BAZ1A: variants seen among roughly 807,000 people sequenced by gnomAD.
The protein encoded by BAZ1A is bromodomain adjacent to zinc finger domain protein 1A.
A neutral mutation model predicts 185.2 loss-of-function variants in BAZ1A; 50 were observed. That is an observed-to-expected ratio of 0.27 (90% CI 0.22 to 0.34). BAZ1A has a LOEUF of 0.34. Among genes scored for constraint, BAZ1A ranks in the 10% least tolerant of loss-of-function variants. The pLI is 1.00. For synonymous variants in BAZ1A, 571 were observed against 615.6 expected (o/e 0.93, Z 1.07); for missense variants, 1,356 against 1,839.9 (o/e 0.74, Z 4.81).
rs1211658149 is a variant in BAZ1A, at chr14:34,874,185, T to C, written c.113+307A>G. 6.6e-6 allele frequency among the ~76,000 whole-genome samples: 1 copy of C among 151,766 alleles called. No individual in the cohort carries two copies. Among genetic ancestry groups the C allele is most frequent in the Non-Finnish European group, 1.5e-5 (1 of 67,878 alleles). On this transcript the variant is annotated intron_variant, in intron 2 of 26. Coordinates refer to ENST00000360310, the MANE Select transcript of BAZ1A (RefSeq NM_013448.3). The surrounding 1 kb of genome is among the most constrained non-coding windows in gnomAD (Gnocchi z 4.7). ...GCGGGGAGGGGCGAGGCGGGGAGTT[T>C]CCGCCGCCCCGCGGCCAAGAGGGCG... is the stretch of plus-strand genomic sequence containing the variant.
intron 4 of BAZ1A, among the ~76,000 whole-genome samples, chr14:34,823,226 G>A (rs554904136): frequency 8.6e-5 from 13 of 151,246 alleles, no homozygotes; most frequent in South Asian, 8.4e-4. Context: ...GTGGTGGCAC[G>A]CGCCTGTAGT....
chr14:34,874,444 G>A lies in BAZ1A; in HGVS notation c.113+48C>T, dbSNP rs1299355203. 5 of 1,504,222 alleles carry A rather than the reference G, an allele frequency of 3.3e-6. No homozygotes were observed. Among genetic ancestry groups the A allele is most frequent in the East Asian group, 2.3e-5 (1 of 43,388 alleles). The allele number at this position is 1,504,222 out of a possible 1,614,324, so 93.2% of individuals were successfully genotyped here. A position where few individuals can be genotyped will look rare whatever the true frequency, so the allele number is the denominator to read the frequency against. On this transcript the variant is annotated intron_variant, in intron 2 of 26. Coordinates refer to ENST00000360310, the MANE Select transcript of BAZ1A (RefSeq NM_013448.3). The surrounding 1 kb of genome is among the most constrained non-coding windows in gnomAD (Gnocchi z 4.7). ...GGAGAGAGACAAAAGAGCGCTGCGG[G>A]GGGAGTCCCCACACCCCCCGCGGCC... is the stretch of plus-strand genomic sequence containing the variant.
intron 4 of BAZ1A, 36 bp from the exon 5 acceptor site, chr14:34,811,072 T>G (rs1345575275): frequency 2.9e-6 from 4 of 1,373,334 alleles, no homozygotes; most frequent in Non-Finnish European, 4.0e-6. Flanking sequence ...AATCAGTTAA[T>G]AATTTGGAAA....
rs1015180007 is a variant in BAZ1A, at chr14:34,875,274, G to C, written c.-195C>G. On this transcript the variant is annotated 5_prime_UTR_variant, in exon 1 of 27. Coordinates refer to ENST00000360310, the MANE Select transcript of BAZ1A (RefSeq NM_013448.3). Reference sequence around the variant, plus strand: ...GCCGCTTCTCCCGCTGCCACTGCCCGACTCCGCGCGGGGAATTGCGTCCCA... The same window carrying C: ...GCCGCTTCTCCCGCTGCCACTGCCCCACTCCGCGCGGGGAATTGCGTCCCA... 11 of 455,270 alleles carry C rather than the reference G, an allele frequency of 2.4e-5. No individual in the cohort carries two copies. The highest frequency in any genetic ancestry group is 4.4e-5 in the Non-Finnish European group (10 of 226,612). The allele number at this position is 455,270 out of a possible 1,614,324, so 28.2% of individuals were successfully genotyped here. A position where few individuals can be genotyped will look rare whatever the true frequency, so the allele number is the denominator to read the frequency against.
chr14:34,863,029 C>A (rs1436522491), intron 2 of BAZ1A, among the ~76,000 whole-genome samples: 1 of 148,872 alleles, frequency 6.7e-6, no homozygotes, highest in African/African-American at 2.5e-5. Context: ...CACTCTGTCA[C>A]CCAGGCTGGA....
intron 2 of BAZ1A, among the ~76,000 whole-genome samples, chr14:34,868,602 A>G (rs2042899057): frequency 6.6e-6 from 1 of 152,146 alleles, no homozygotes; most frequent in Admixed American, 6.6e-5. Context: ...GGAGGTCAAG[A>G]CCAGCATAGC....
At chr14:34,819,928 C>T (rs1214682644) in intron 4 of BAZ1A, among the ~76,000 whole-genome samples, 1 of 152,130 alleles carries the variant, frequency 6.6e-6, no homozygotes, top group East Asian at 1.9e-4. Flanking sequence ...TGCTCACTAG[C>T]ATTTGGTGTT....
chr14:34,784,273 T>C (rs56742442), intron 14 of BAZ1A, among the ~76,000 whole-genome samples: 86,707 of 147,802 alleles, frequency 0.59, 25,410 homozygotes, highest in South Asian at 0.68. Context: ...GAGGCTGAGG[T>C]TGGAGAATTG....
At chr14:34,764,658 T>C (rs1468073992) in intron 23 of BAZ1A, 49 bp downstream of exon 23, 8 of 1,551,372 alleles carry the variant, frequency 5.2e-6, no homozygotes, top group South Asian at 2.4e-5. Context: ...AGTGGAGAAA[T>C]TGTCTAACTA....
chr14:34,776,714 G>A (rs999802065), intron 17 of BAZ1A, among the ~76,000 whole-genome samples, 199 bp from the exon 18 acceptor site: 1 of 152,146 alleles, frequency 6.6e-6, no homozygotes, highest in Non-Finnish European at 1.5e-5. Context: ...AGGTAATTAA[G>A]GTCATGAAGG....
intron 3 of BAZ1A, among the ~76,000 whole-genome samples, chr14:34,830,364 T>C (rs2042223517): frequency 6.6e-6 from 1 of 152,046 alleles, no homozygotes; most frequent in Non-Finnish European, 1.5e-5. Flanking sequence ...GAAAATATTA[T>C]GCTAATGAAA....
intron 12 of BAZ1A, among the ~76,000 whole-genome samples, chr14:34,787,722 G>A (rs1281157599): frequency 1.3e-5 from 2 of 152,056 alleles, no homozygotes; most frequent in Non-Finnish European, 2.9e-5. Context: ...ACAATAGGAA[G>A]ATTTCCCTGA....
At chr14:34,867,481 G>C (rs1253067141) in intron 2 of BAZ1A, among the ~76,000 whole-genome samples, 1 of 152,158 alleles carries the variant, frequency 6.6e-6, no homozygotes, top group Non-Finnish European at 1.5e-5. Flanking sequence ...ACGCAGTGAA[G>C]TGCAACAAAC....
At chr14:34,789,250 A>G (rs1197194200) in intron 12 of BAZ1A, among the ~76,000 whole-genome samples, 1 of 152,240 alleles carries the variant, frequency 6.6e-6, no homozygotes, top group Non-Finnish European at 1.5e-5. Context: ...CAATCACCAC[A>G]TTCAACCTAT....
chr14:34,827,362 T>TG (rs1342680983), intron 3 of BAZ1A, among the ~76,000 whole-genome samples: 2 of 152,244 alleles, frequency 1.3e-5, no homozygotes, highest in Non-Finnish European at 2.9e-5. Context: ...TTATGGAAGA[T>TG]GGAGTACTGA....
intron 2 of BAZ1A, among the ~76,000 whole-genome samples, chr14:34,873,232 A>C (rs1300283419): frequency 1.3e-5 from 2 of 151,942 alleles, no homozygotes; most frequent in Non-Finnish European, 2.9e-5. Context: ...TCAAGCCCCC[A>C]CTCAGAAAAG....
At chr14:34,825,459 A>AAAAAG (rs1211916389) in intron 4 of BAZ1A, among the ~76,000 whole-genome samples, 9 of 107,750 alleles carry the variant, frequency 8.4e-5, no homozygotes, top group Non-Finnish European at 1.8e-4. Flanking sequence ...AAAAAAAAAA[A>AAAAAG]AAAAAAAAAA....
At position 34,802,984 on chromosome 14, in the gene BAZ1A, G is replaced by A. The variant is rs1224015555; in HGVS notation, c.731C>T (p.Ser244Leu). 8 of 1,609,722 alleles carry A rather than the reference G, an allele frequency of 5.0e-6. No homozygotes were observed. The highest frequency in any genetic ancestry group is 1.7e-5 in the Admixed American group (1 of 59,976). ...TGCTATTTTATACGTTGAAAGAGATGATGCCTTAATAAAACAAAGACATAG... is the reference window on the plus strand; with the variant it reads ...TGCTATTTTATACGTTGAAAGAGATAATGCCTTAATAAAACAAAGACATAG... The part of the protein sequence containing the change: ...PQDGVIKIKA[S>L]SLSTYKIAEQ... Residue 244 changes from serine to leucine, a missense_variant, in exon 7 of 27, where the codon TCA becomes TTA. This residue lies in a region of BAZ1A where 332 missense variants were observed against 395.3 expected (regional missense o/e 0.84). Transcript: ENST00000360310.
At chr14:34,834,041 A>C (rs1250436114) in intron 3 of BAZ1A, among the ~76,000 whole-genome samples, 1 of 152,208 alleles carries the variant, frequency 6.6e-6, no homozygotes, top group South Asian at 2.1e-4. Context: ...AAGAGGAACA[A>C]CTACAGGAAA....
Sources: gnomAD v4.1 joint callset for allele counts (sites outside exome capture counted in the v4.1 genomes callset) on GRCh38, gnomAD v4.1.1 for gene constraint, gnomAD v4.1.1 regional missense constraint, Gnocchi (gnomAD v3.1) non-coding constraint, MANE v1.5 for transcripts, NCBI Gene and HGNC (gene_info 2026-07-23, HGNC 2026-07-21) for gene names.